Variants in TRAM2 observed in about 807,000 individuals in gnomAD.
TRAM2 encodes the protein translocating chain-associated membrane protein 2.
TRAM2 carries 12 observed loss-of-function variants against 51.0 expected under a neutral mutation model. The observed-to-expected ratio is 0.24, with a 90% CI of 0.15 to 0.38. The LOEUF (loss-of-function observed/expected upper bound fraction) is 0.38, where lower values mean the gene tolerates loss of function less well. Ranked by LOEUF, TRAM2 falls within the 10% of genes least tolerant of loss-of-function variation. The pLI is 1.00. For missense variants in TRAM2, 361 were observed against 462.0 expected (o/e 0.78, Z 2.00); for synonymous variants, 175 against 179.4 (o/e 0.98, Z 0.20).
chr6:52,537,457 G>A (rs544206038), intron 1 of TRAM2, among the ~76,000 whole-genome samples: 15 of 151,986 alleles, frequency 9.9e-5, no homozygotes, highest in Non-Finnish European at 1.5e-4. Flanking sequence ...CTCAGTTTGC[G>A]TCCTACCTTT....
chr6:52,509,366 G>A (rs1401883176), intron 5 of TRAM2, among the ~76,000 whole-genome samples, 162 bp downstream of exon 5: 2 of 152,228 alleles, frequency 1.3e-5, no homozygotes, highest in Non-Finnish European at 2.9e-5. Context: ...AGCATGCTGA[G>A]AAGAAGTGGC....
chr6:52,550,343 T>C (rs2114096484), intron 1 of TRAM2, among the ~76,000 whole-genome samples: 1 of 152,248 alleles, frequency 6.6e-6, no homozygotes, highest in Middle Eastern at 3.4e-3. Context: ...AGCCTTAGAA[T>C]GCTTTACTGT....
chr6:52,541,803 G>GTTTTTTTTTTTTTTTTTTT (rs56919932), intron 1 of TRAM2, among the ~76,000 whole-genome samples: 58 of 138,714 alleles, frequency 4.2e-4, no homozygotes, highest in Middle Eastern at 3.7e-3. Flanking sequence ...AGTTTATTCT[G>GTTTTTTTTTTTTTTTTTTT]TTTTTTTTTT....
At chr6:52,563,434 T>G (rs1767532777) in intron 1 of TRAM2, among the ~76,000 whole-genome samples, 1 of 152,096 alleles carries the variant, frequency 6.6e-6, no homozygotes, top group Non-Finnish European at 1.5e-5. Context: ...AAGTGGTTAC[T>G]TGGGGCCGGG....
chr6:52,567,154 T>C (rs114222863), intron 1 of TRAM2, among the ~76,000 whole-genome samples: 4,602 of 152,278 alleles, frequency 0.03, 101 homozygotes, highest in Non-Finnish European at 0.048. Flanking sequence ...ACCCAACTGG[T>C]AGGGCTGAGA....
chr6:52,529,037 C>G (rs1167553244), intron 2 of TRAM2, among the ~76,000 whole-genome samples: 1 of 152,056 alleles, frequency 6.6e-6, no homozygotes, highest in Non-Finnish European at 1.5e-5. Context: ...ACTACAAGTG[C>G]CCACCACCAC....
chr6:52,569,388 TAAAAAAA>T (rs11331630), intron 1 of TRAM2, among the ~76,000 whole-genome samples: 1 of 136,122 alleles, frequency 7.3e-6, no homozygotes, highest in African/African-American at 2.8e-5. Flanking sequence ...AGACTCCATT[TAAAAAAA>T]AAAAAAAAAA....
intron 2 of TRAM2, among the ~76,000 whole-genome samples, chr6:52,533,947 C>T (rs558002434): frequency 6.6e-5 from 10 of 152,126 alleles, no homozygotes; most frequent in East Asian, 3.9e-4. Context: ...AAAAATTAGC[C>T]GGGCGTGGTG....
At position 52,560,261 on chromosome 6, in the gene TRAM2, A is replaced by AAG. The variant is rs113309462; in HGVS notation, c.120+16533_120+16534dup. 1.3e-5 allele frequency among the ~76,000 whole-genome samples: 2 copies of AAG among 151,878 alleles called. 1 individual carries two copies. Among genetic ancestry groups the AAG allele is most frequent in the South Asian group, 4.2e-4 (2 of 4,814 alleles). ...AAACTGTCTCAAATAAAAAAAAAAA[A>AAG]AGAGAGAGAGAGAAACATATAAAGT... On this transcript the variant is annotated intron_variant, in intron 1 of 10. Transcript: ENST00000182527.
chr6:52,508,325 A>G lies in TRAM2; in HGVS notation c.471-7T>C. The G allele has an allele frequency of 1.2e-6, 2 of 1,613,360 alleles. No individual in the cohort carries two copies. The highest frequency in any genetic ancestry group is 1.1e-5 in the South Asian group (1 of 91,022). The stretch of plus-strand genomic sequence containing the variant: ...GAAAAACTTCACCTGGAAGCTGGAG[A>G]CAAGGGGGCAAGTCACACGGGCAGG... On this transcript the variant is annotated splice_region_variant and splice_polypyrimidine_tract_variant and intron_variant, in intron 5 of 10. Transcript: ENST00000182527.
chr6:52,554,212 G>A (rs888095443), intron 1 of TRAM2, among the ~76,000 whole-genome samples: 6 of 152,142 alleles, frequency 3.9e-5, no homozygotes, highest in Admixed American at 3.9e-4. Context: ...CGGAGGCAGG[G>A]CATCCCACTT....
intron 1 of TRAM2, among the ~76,000 whole-genome samples, chr6:52,538,706 G>C (rs1767016897): frequency 6.6e-6 from 1 of 152,198 alleles, no homozygotes; most frequent in Non-Finnish European, 1.5e-5. Context: ...ACTCCCCAGA[G>C]CATTCCAATG....
rs554469085 is a variant in TRAM2 at position 52,499,354 on chromosome 6, G to A, written c.*3843C>T. On this transcript the variant is annotated 3_prime_UTR_variant, in exon 11 of 11. Coordinates refer to ENST00000182527, the MANE Select transcript of TRAM2 (RefSeq NM_012288.4). The stretch of plus-strand genomic sequence containing the variant: ...TAGAACATCAAGAATTGAAGTTTGT[G>A]CACTTGTGCCATAGGCCCTTAAGCA... 1 of 152,308 alleles carries A rather than the reference G, an allele frequency of 6.6e-6. No homozygotes were observed. The highest frequency in any genetic ancestry group is 1.9e-4 in the East Asian group (1 of 5,176). The allele number at this position is 152,308 out of a possible 1,614,324, so 9.4% of individuals were successfully genotyped here. A position where few individuals can be genotyped will look rare whatever the true frequency, so the allele number is the denominator to read the frequency against.
chr6:52,549,124 C>G (rs945702225), intron 1 of TRAM2, among the ~76,000 whole-genome samples: 2 of 152,128 alleles, frequency 1.3e-5, no homozygotes, highest in Non-Finnish European at 2.9e-5. Flanking sequence ...GGGGGCTGTC[C>G]ACCGTGTGGT....
rs185378650 is a variant in TRAM2, at chr6:52,507,546, C to T, written c.626+7G>A. The T allele has an allele frequency of 1.1e-5, 17 of 1,613,950 alleles. No homozygotes were observed. Among genetic ancestry groups the T allele is most frequent in the African/African-American group, 2.7e-5 (2 of 75,042 alleles). ...GGAAATCTGGCTGGCTCCATGGTCT[C>T]ACTCACTTTAAGAGGTATGCTCCAG... is the stretch of plus-strand genomic sequence containing the variant. On this transcript the variant is annotated splice_region_variant and intron_variant, in intron 7 of 10. Coordinates refer to ENST00000182527, the MANE Select transcript of TRAM2 (RefSeq NM_012288.4).
intron 1 of TRAM2, among the ~76,000 whole-genome samples, chr6:52,542,929 A>G (rs1425596158): frequency 6.6e-6 from 1 of 152,194 alleles, no homozygotes; most frequent in African/African-American, 2.4e-5. Context: ...TACATCCCCA[A>G]TTTGGGAAAT....
In TRAM2 at chr6:52,569,273, C is replaced by T. The variant is rs189524845; in HGVS notation, c.120+7523G>A. 6.9e-3 allele frequency among the ~76,000 whole-genome samples: 1,055 copies of T among 152,018 alleles called. 8 individuals carry two copies. Among genetic ancestry groups the T allele is most frequent in the Non-Finnish European group, 9.3e-3 (631 of 67,994 alleles). ...GGCATAGTGGCAGGCACCTGTAGTC[C>T]CAGCCACTTGGGAGGCTGAAGTGGG... On this transcript the variant is annotated intron_variant, in intron 1 of 10. Coordinates refer to ENST00000182527, the MANE Select transcript of TRAM2 (RefSeq NM_012288.4).
chr6:52,573,369 A>G (rs1233443468), intron 1 of TRAM2, among the ~76,000 whole-genome samples: 1 of 152,192 alleles, frequency 6.6e-6, no homozygotes, highest in Non-Finnish European at 1.5e-5. Context: ...CTGAAGGACC[A>G]AAGAGTTGAG....
intron 1 of TRAM2, among the ~76,000 whole-genome samples, chr6:52,574,059 C>T (rs13199373): frequency 0.044 from 6,649 of 152,266 alleles, 182 homozygotes; most frequent in Non-Finnish European, 0.068. Flanking sequence ...TCCCCTTGCA[C>T]CTCTTCCTGC....
Sources: allele counts gnomAD v4.1 joint callset (sites outside exome capture counted in the v4.1 genomes callset), GRCh38; gene constraint gnomAD v4.1.1; transcripts MANE v1.5; gene names NCBI Gene and HGNC (gene_info 2026-07-23, HGNC 2026-07-21).